Variants in MSANTD7 observed in about 807,000 individuals in gnomAD.
MSANTD7 encodes Myb/SANT DNA binding domain containing 7.
chr10:14,838,495 C>A, the MSANTD7 span: 2 of 1,557,168 alleles, frequency 1.3e-6, no homozygotes, highest in Non-Finnish European at 8.7e-7. Context: ...GGCTTCATGA[C>A]GGCCACCCGG....
At chr10:14,843,100 TTAA>T in the MSANTD7 span, among the ~76,000 whole-genome samples, 1 of 152,224 alleles carries the variant, frequency 6.6e-6, no homozygotes, top group African/African-American at 2.4e-5. Context: ...TCTGGCATTA[TTAA>T]TAACTGGTAG....
chr10:14,838,368 C>T, the MSANTD7 span: 5 of 1,578,308 alleles, frequency 3.2e-6, no homozygotes, highest in East Asian at 2.3e-5. Context: ...GTTGGGGGAC[C>T]CCCTCATTCC....
At chr10:14,846,392 G>T in the MSANTD7 span, 1 of 985,256 alleles carries the variant, frequency 1.0e-6, no homozygotes, top group Non-Finnish European at 1.2e-6. Flanking sequence ...TTTGGATGTG[G>T]TATTGTGAAA....
the MSANTD7 span, chr10:14,843,424 G>A: frequency 8.4e-6 from 13 of 1,550,858 alleles, no homozygotes; most frequent in South Asian, 1.2e-5. Context: ...TTTCAGAGGT[G>A]CAGTTGCTCC....
At chr10:14,840,861 A>G in the MSANTD7 span, among the ~76,000 whole-genome samples, 481 of 152,306 alleles carry the variant, frequency 3.2e-3, 4 homozygotes, top group African/African-American at 0.011. Context: ...CATCCTTGTA[A>G]AATTGGCAAC....
the MSANTD7 span, chr10:14,839,843 G>A: frequency 8.3e-7 from 1 of 1,208,444 alleles, no homozygotes; most frequent in Non-Finnish European, 1.2e-6. Flanking sequence ...TAACACTGGT[G>A]CACAAATGCA....
the MSANTD7 span, chr10:14,838,628 C>T: frequency 1.6e-6 from 1 of 615,658 alleles, no homozygotes; most frequent in Non-Finnish European, 2.7e-6. Context: ...GGCCTCGCGC[C>T]TGGCGATTCC....
the MSANTD7 span, chr10:14,843,468 G>A: frequency 4.8e-5 from 74 of 1,550,620 alleles, no homozygotes; most frequent in Non-Finnish European, 6.5e-5. Context: ...GACTGGGTGT[G>A]TCCGGGGAGC....
At chr10:14,844,227 C>A in the MSANTD7 span, 2 of 1,098,002 alleles carry the variant, frequency 1.8e-6, no homozygotes, top group African/African-American at 1.7e-5. Context: ...ATAACTCCTG[C>A]CCTGCCTACC....
chr10:14,842,359 C>T, the MSANTD7 span: 54 of 1,536,108 alleles, frequency 3.5e-5, no homozygotes, highest in Admixed American at 5.9e-5. This position sits in a 1 kb window ranked among gnomAD's most constrained non-coding sequence, Gnocchi z 5.2. Context: ...CCATACTAGG[C>T]GAGGCAGAGT....
chr10:14,846,541 G>A, the MSANTD7 span: 2 of 985,244 alleles, frequency 2.0e-6, no homozygotes, highest in African/African-American at 3.5e-5. Context: ...AAGCAAGCCA[G>A]GAATCTGCCT....
the MSANTD7 span, among the ~76,000 whole-genome samples, chr10:14,843,150 A>G: frequency 6.6e-6 from 1 of 152,200 alleles, no homozygotes; most frequent in African/African-American, 2.4e-5. Flanking sequence ...TTGGATAGCT[A>G]TGTACAAAGG....
At chr10:14,842,454 G>T in the MSANTD7 span, 1 of 1,536,130 alleles carries the variant, frequency 6.5e-7, no homozygotes, top group South Asian at 1.2e-5. This position sits in a 1 kb window ranked among gnomAD's most constrained non-coding sequence, Gnocchi z 5.2. Flanking sequence ...GGCTTCCGCC[G>T]CACCGAACGT....
At chr10:14,846,658 A>T in the MSANTD7 span, 2 of 936,810 alleles carry the variant, frequency 2.1e-6, no homozygotes, top group Non-Finnish European at 2.5e-6. Context: ...TAATTGTCCT[A>T]CCTACCTCAC....
At chr10:14,840,061 A>ATT in the MSANTD7 span, 12 of 1,160,204 alleles carry the variant, frequency 1.0e-5, no homozygotes, top group East Asian at 2.9e-5. Flanking sequence ...TATATATATT[A>ATT]TTTTTTTTTT....
the MSANTD7 span, chr10:14,842,376 A>C: frequency 3.3e-6 from 5 of 1,536,158 alleles, no homozygotes; most frequent in Non-Finnish European, 4.4e-6. The surrounding 1 kb of genome is among the most constrained non-coding windows in gnomAD (Gnocchi z 5.2). Context: ...GAGTATATTC[A>C]GCGCCTCCAG....
At chr10:14,846,625 T>C in the MSANTD7 span, 8 of 955,286 alleles carry the variant, frequency 8.4e-6, no homozygotes, top group Non-Finnish European at 1.0e-5. Context: ...CTCAGGTTCC[T>C]CATTTATAAA....
chr10:14,844,943 A>G, the MSANTD7 span: 1 of 985,436 alleles, frequency 1.0e-6, no homozygotes, highest in Non-Finnish European at 1.2e-6. Flanking sequence ...GAGCTTTCCA[A>G]GATTCCTTTT....
At chr10:14,838,543 C>A in the MSANTD7 span, 2 of 1,340,524 alleles carry the variant, frequency 1.5e-6, no homozygotes, top group African/African-American at 1.4e-5. Flanking sequence ...TTGAGAGCGG[C>A]GTGTCGCCGG....
Sources: allele counts gnomAD v4.1 joint callset (sites outside exome capture counted in the v4.1 genomes callset), GRCh38; gene constraint gnomAD v4.1.1; non-coding constraint Gnocchi (gnomAD v3.1); transcripts MANE v1.5; gene names NCBI Gene and HGNC (gene_info 2026-07-23, HGNC 2026-07-21).